OTOGL: variants seen among roughly 807,000 people sequenced by gnomAD.
The protein encoded by OTOGL is otogelin like.
A neutral mutation model predicts 318.5 loss-of-function variants in OTOGL; 285 were observed. The ratio of observed to expected loss-of-function variants is 0.89; its 90% CI spans 0.81 to 0.99. The LOEUF (loss-of-function observed/expected upper bound fraction) is 0.99, where lower values mean the gene tolerates loss of function less well. Ranked by LOEUF, OTOGL falls within the 50% of genes least tolerant of loss-of-function variation. OTOGL has a pLI of 0.00. For missense variants in OTOGL, 2,899 were observed against 2,845.6 expected, an observed-to-expected ratio of 1.02 and a Z score of -0.43; for synonymous variants, 987 against 936.5, an observed-to-expected ratio of 1.05 and a Z score of -0.99.
chr12:80,116,086 C>A (rs1411784715), intron 1 of OTOGL, among the ~76,000 whole-genome samples: 1 of 152,158 alleles, frequency 6.6e-6, no homozygotes, highest in Non-Finnish European at 1.5e-5. Flanking sequence ...ATTACAGGTG[C>A]CACTGGGATG....
intron 1 of OTOGL, among the ~76,000 whole-genome samples, chr12:80,112,161 A>AT (rs1869880607): frequency 6.6e-6 from 1 of 152,032 alleles, no homozygotes; most frequent in Non-Finnish European, 1.5e-5. Context: ...AGACTATGGG[A>AT]TTTTCTAAAT....
At chr12:80,327,931 C>T (rs1366672305) in intron 35 of OTOGL, among the ~76,000 whole-genome samples, 2 of 121,794 alleles carry the variant, frequency 1.6e-5, no homozygotes, top group Non-Finnish European at 3.2e-5. Flanking sequence ...TGCACTCCAG[C>T]CTGGGTGACA....
In OTOGL at chr12:80,356,915, G is replaced by A. The variant is rs1422420488; in HGVS notation, c.6019+1G>A. On this transcript the variant is annotated splice_donor_variant, in intron 49 of 58. Coordinates refer to ENST00000547103, the MANE Select transcript of OTOGL (RefSeq NM_001378609.3). LOFTEE classifies it high-confidence loss of function. ...CCTTGTTGTTTTTCCCCTTTTTGTG[G>A]TGAGTATTGTAGAGATAATTTCTTG... 6.4e-7 allele frequency: 1 copy of A among 1,570,528 alleles called. No homozygotes were observed. Among genetic ancestry groups the A allele is most frequent in the Admixed American group, 1.8e-5 (1 of 55,294 alleles).
At chr12:80,129,043 T>A (rs1303408741) in intron 1 of OTOGL, among the ~76,000 whole-genome samples, 1 of 152,284 alleles carries the variant, frequency 6.6e-6, no homozygotes. Flanking sequence ...CTGCACCCAC[T>A]GTCCTGCACC....
intron 1 of OTOGL, among the ~76,000 whole-genome samples, chr12:80,106,053 A>G (rs1869437632): frequency 6.6e-6 from 1 of 152,256 alleles, no homozygotes; most frequent in African/African-American, 2.4e-5. Flanking sequence ...TCCAAGATCT[A>G]CAAGGATGAG....
intron 1 of OTOGL, chr12:80,102,949 C>A (rs1869227433): frequency 2.3e-6 from 2 of 859,278 alleles, no homozygotes; most frequent in East Asian, 4.8e-5. Context: ...TTTTCCTTTC[C>A]TACTTGGCGA....
At position 80,253,460 on chromosome 12, in the gene OTOGL, A is replaced by T. The variant is rs1264333291; in HGVS notation, c.1286-6A>T. The T allele has an allele frequency of 4.4e-6, 7 of 1,607,042 alleles. No individual in the cohort carries two copies. Among genetic ancestry groups the T allele is most frequent in the African/African-American group, 1.3e-5 (1 of 74,732 alleles). On this transcript the variant is annotated splice_region_variant and splice_polypyrimidine_tract_variant and intron_variant, in intron 13 of 58. Coordinates refer to ENST00000547103, the MANE Select transcript of OTOGL (RefSeq NM_001378609.3). ...GAAATTTTGATGTGTATTTCTTCTCAATTAGGCCTCGTAATGGACAATGGG... is the reference window on the plus strand; with the variant it reads ...GAAATTTTGATGTGTATTTCTTCTCTATTAGGCCTCGTAATGGACAATGGG...
intron 1 of OTOGL, among the ~76,000 whole-genome samples, chr12:80,154,033 A>G (rs1430294644): frequency 6.6e-6 from 1 of 152,166 alleles, no homozygotes; most frequent in Non-Finnish European, 1.5e-5. Flanking sequence ...TTGAAGCTGG[A>G]CACAGTGGCT....
chr12:80,369,989 G>GGCC (rs1466813543), intron 55 of OTOGL, among the ~76,000 whole-genome samples: 3 of 151,804 alleles, frequency 2.0e-5, no homozygotes, highest in Non-Finnish European at 2.9e-5. Context: ...GGAATGAAAT[G>GGCC]GTTATTATAT....
intron 53 of OTOGL, among the ~76,000 whole-genome samples, 195 bp from the exon 54 acceptor site, chr12:80,367,366 T>G (rs991736522): frequency 1.3e-5 from 2 of 152,074 alleles, no homozygotes; most frequent in Non-Finnish European, 2.9e-5. Context: ...GAATTTTTAT[T>G]TTATGTTAAG....
intron 24 of OTOGL, among the ~76,000 whole-genome samples, chr12:80,275,365 T>C (rs898562813): frequency 5.9e-5 from 9 of 151,882 alleles, no homozygotes; most frequent in Admixed American, 2.0e-4. Context: ...GCAAGAGAAC[T>C]AGAATTAGAA....
At chr12:80,124,922 C>T (rs532045881) in intron 1 of OTOGL, among the ~76,000 whole-genome samples, 32 of 152,294 alleles carry the variant, frequency 2.1e-4, no homozygotes, top group Non-Finnish European at 3.7e-4. Flanking sequence ...TGCTTATCAG[C>T]TGAAGGAGAT....
chr12:80,105,332 G>C (rs771009674), intron 1 of OTOGL, among the ~76,000 whole-genome samples: 1 of 152,086 alleles, frequency 6.6e-6, no homozygotes, highest in Non-Finnish European at 1.5e-5. Flanking sequence ...GGGAACCTAT[G>C]GTTCATTCTT....
chr12:80,121,805 T>C (rs1870506319), intron 1 of OTOGL, among the ~76,000 whole-genome samples: 1 of 152,202 alleles, frequency 6.6e-6, no homozygotes, highest in Non-Finnish European at 1.5e-5. Context: ...GTGGGACTAC[T>C]GGCCAATCCT....
chr12:80,269,606 T>C (rs1393787327), intron 22 of OTOGL, among the ~76,000 whole-genome samples: 1 of 152,208 alleles, frequency 6.6e-6, no homozygotes, highest in Non-Finnish European at 1.5e-5. Flanking sequence ...GGTTTATGTG[T>C]TTCCACTGAG....
rs1376308751 is a variant in OTOGL at position 80,308,020 on chromosome 12, G to A, written c.3333+2325G>A. ...CGGGCAGAGGCGCCCCTCACCTGCC[G>A]GACGGGGCGGCTGGCCGCGCGGGGG... On this transcript the variant is annotated intron_variant, in intron 29 of 58. Coordinates refer to ENST00000547103, the MANE Select transcript of OTOGL (RefSeq NM_001378609.3). Among the ~76,000 whole-genome samples, 10 of 137,532 alleles carry A rather than the reference G, an allele frequency of 7.3e-5. No homozygotes were observed. The East Asian group carries it at 9.3e-4, about 13-fold the overall frequency. The allele number at this position is 137,532 out of a possible 152,430, so 90.2% of individuals were successfully genotyped here.
At chr12:80,361,197 T>G (rs1890219049) in intron 52 of OTOGL, 1 of 142,694 alleles carries the variant, frequency 7.0e-6, no homozygotes, top group Non-Finnish European at 1.5e-5. Flanking sequence ...TGAGTTCAAC[T>G]TTTTTAGATT....
At chr12:80,279,285 A>G in intron 26 of OTOGL, 119 bp downstream of exon 26, 1 of 1,067,034 alleles carries the variant, frequency 9.4e-7, no homozygotes, top group South Asian at 1.8e-5. Context: ...TAAAACAATT[A>G]TATATATTTT....
At chr12:80,297,713 C>A (rs1885504603) in intron 27 of OTOGL, among the ~76,000 whole-genome samples, 1 of 152,186 alleles carries the variant, frequency 6.6e-6, no homozygotes, top group African/African-American at 2.4e-5. Context: ...CACTGCTCCC[C>A]CAAGGCCTTG....
Sources: allele counts gnomAD v4.1 joint callset (sites outside exome capture counted in the v4.1 genomes callset), GRCh38; gene constraint gnomAD v4.1.1; transcripts MANE v1.5; gene names NCBI Gene and HGNC (gene_info 2026-07-23, HGNC 2026-07-21).